Variants in RNGTT observed in about 807,000 individuals in gnomAD.
The protein encoded by RNGTT is RNA guanylyltransferase and 5'-phosphatase.
A neutral mutation model predicts 79.3 loss-of-function variants in RNGTT; 33 were observed. That is an observed-to-expected ratio of 0.42 (90% CI 0.32 to 0.56). The LOEUF is 0.56. Ranked by LOEUF, RNGTT falls within the 20% of genes least tolerant of loss-of-function variation. The pLI, the probability that RNGTT is intolerant of heterozygous loss-of-function variation, is 0.17. For synonymous variants in RNGTT, 222 were observed against 235.9 expected (o/e 0.94, Z 0.54); for missense variants, 497 against 739.1 (o/e 0.67, Z 3.80).
chr6:88,678,110 C>A, intron 14 of RNGTT: 1 of 527,970 alleles, frequency 1.9e-6, no homozygotes, highest in Non-Finnish European at 2.6e-6. Context: ...CCTCAGCCTC[C>A]AGAGTAGCTG....
intron 11 of RNGTT, among the ~76,000 whole-genome samples, chr6:88,842,637 G>A (rs1334004166): frequency 6.6e-6 from 1 of 152,132 alleles, no homozygotes; most frequent in East Asian, 1.9e-4. Context: ...AGTAAAAATA[G>A]AGCATCTAAA....
chr6:88,838,701 T>TA (rs1781164046), intron 11 of RNGTT, among the ~76,000 whole-genome samples: 1 of 152,166 alleles, frequency 6.6e-6, no homozygotes, highest in East Asian at 1.9e-4. Flanking sequence ...TTGACCTATA[T>TA]ATTCATTACA....
chr6:88,921,801 C>T (rs1029965823), intron 4 of RNGTT, among the ~76,000 whole-genome samples: 3 of 151,666 alleles, frequency 2.0e-5, no homozygotes, highest in African/African-American at 7.3e-5. Flanking sequence ...ATAAAAAATA[C>T]AGTAAAAAAT....
intron 11 of RNGTT, among the ~76,000 whole-genome samples, chr6:88,843,904 A>T (rs926899138): frequency 1.7e-4 from 25 of 150,732 alleles, no homozygotes; most frequent in African/African-American, 5.6e-4. Context: ...ACTAAAAGAA[A>T]ACCTTCAATG....
chr6:88,862,786 C>T (rs369120095), intron 8 of RNGTT, among the ~76,000 whole-genome samples: 1 of 152,328 alleles, frequency 6.6e-6, no homozygotes, highest in Admixed American at 6.5e-5. Context: ...GTAACACTGT[C>T]TAACCATTTT....
At chr6:88,816,393 T>C (rs777439428) in intron 11 of RNGTT, among the ~76,000 whole-genome samples, 4 of 152,158 alleles carry the variant, frequency 2.6e-5, no homozygotes, top group East Asian at 3.9e-4. Flanking sequence ...TGTGCACTTA[T>C]AGTCCCTAGG....
Position 88,929,270 on chromosome 6 carries a change from A to T in RNGTT, c.175-3T>A, listed in dbSNP as rs776432431. ...TCCACCAACAAGCCCATTTTAACCT[A>T]AAAAAAAAAAAAAATGAAAGGGCAA... On this transcript the variant is annotated splice_polypyrimidine_tract_variant and splice_region_variant and intron_variant, in intron 2 of 15. Transcript: ENST00000369485. 4 of 234,978 alleles carry T rather than the reference A, an allele frequency of 1.7e-5. No homozygotes were observed. Among genetic ancestry groups the T allele is most frequent in the South Asian group, 2.4e-4 (2 of 8,220 alleles). The allele number at this position is 234,978 out of a possible 1,614,324, so 14.6% of individuals were successfully genotyped here.
rs73498466 is a variant in RNGTT, at chr6:88,873,898, T to G, written c.896+16597A>C. The stretch of plus-strand genomic sequence containing the variant: ...TAAGATATAGACATACTCATTGATC[T>G]TGACCTAATTAAGAGAATTTGAAAA... On this transcript the variant is annotated intron_variant, in intron 8 of 15. Transcript: ENST00000369485. Among the ~76,000 whole-genome samples, 704 of 152,308 alleles carry G rather than the reference T, an allele frequency of 4.6e-3. 3 individuals are homozygous for G. The highest frequency in any genetic ancestry group is 0.016 in the African/African-American group (674 of 41,582).
In RNGTT at chr6:88,621,020, C is replaced by T. The variant is rs114913720; in HGVS notation, c.1507-6625G>A. On this transcript the variant is annotated intron_variant, in intron 14 of 15. Transcript: ENST00000369485. ...ATGCTAAGTTGTTTGGACATAAACACTTAGTTATTTGGATCTATCTGCTTA... is the reference window on the plus strand; with the variant it reads ...ATGCTAAGTTGTTTGGACATAAACATTTAGTTATTTGGATCTATCTGCTTA... Among the ~76,000 whole-genome samples, 155 of 152,266 alleles carry T rather than the reference C, an allele frequency of 1.0e-3. 4 individuals carry two copies. Among genetic ancestry groups the T allele is most frequent in the African/African-American group, 3.6e-3 (148 of 41,582 alleles).
chr6:88,847,794 A>C (rs1447345821), intron 10 of RNGTT, among the ~76,000 whole-genome samples: 1 of 152,060 alleles, frequency 6.6e-6, no homozygotes, highest in Non-Finnish European at 1.5e-5. Flanking sequence ...CTGTGCATTA[A>C]TAAACACTGA....
chr6:88,666,106 CT>C (rs1374960617), intron 14 of RNGTT, among the ~76,000 whole-genome samples: 1 of 152,164 alleles, frequency 6.6e-6, no homozygotes, highest in Non-Finnish European at 1.5e-5. Context: ...GGCCAAACCT[CT>C]GGTACCAAGT....
chr6:88,731,607 T>G, intron 13 of RNGTT, among the ~76,000 whole-genome samples: 1 of 152,058 alleles, frequency 6.6e-6, no homozygotes, highest in East Asian at 1.9e-4. Flanking sequence ...ATAAACAAAC[T>G]GGACTTCACA....
intron 12 of RNGTT, among the ~76,000 whole-genome samples, chr6:88,773,831 C>T (rs1324337958): frequency 6.6e-6 from 1 of 152,070 alleles, no homozygotes. Context: ...AATGAATAAA[C>T]AACCTGTAAC....
At chr6:88,791,938 T>C (rs1349373277) in intron 12 of RNGTT, among the ~76,000 whole-genome samples, 1 of 152,176 alleles carries the variant, frequency 6.6e-6, no homozygotes, top group Non-Finnish European at 1.5e-5. Context: ...AAATGGAAAC[T>C]TTATAACAAA....
At chr6:88,863,655 C>T (rs1215396935) in intron 8 of RNGTT, among the ~76,000 whole-genome samples, 1 of 152,120 alleles carries the variant, frequency 6.6e-6, no homozygotes, top group Non-Finnish European at 1.5e-5. Context: ...AACACTATGA[C>T]AGAGTTTGGC....
At chr6:88,849,635 G>C in intron 10 of RNGTT, 120 bp downstream of exon 10, 1 of 812,946 alleles carries the variant, frequency 1.2e-6, no homozygotes, top group Non-Finnish European at 1.7e-6. Context: ...GATTCCCAGT[G>C]AGTAACCTGA....
At chr6:88,771,443 C>G (rs890924543) in intron 12 of RNGTT, among the ~76,000 whole-genome samples, 6 of 150,456 alleles carry the variant, frequency 4.0e-5, no homozygotes, top group Admixed American at 3.3e-4. Flanking sequence ...GTCTCAATTA[C>G]TATAACTTTA....
At chr6:88,825,913 A>G (rs1780640916) in intron 11 of RNGTT, among the ~76,000 whole-genome samples, 1 of 152,244 alleles carries the variant, frequency 6.6e-6, no homozygotes, top group South Asian at 2.1e-4. Flanking sequence ...TGATGGCACA[A>G]TGGTAGAACA....
At chr6:88,641,129 A>G (rs1183271404) in intron 14 of RNGTT, among the ~76,000 whole-genome samples, 1 of 152,106 alleles carries the variant, frequency 6.6e-6, no homozygotes, top group East Asian at 1.9e-4. Flanking sequence ...TCACAAGGTC[A>G]GGAGTCTGAG....
Sources: allele counts gnomAD v4.1 joint callset (sites outside exome capture counted in the v4.1 genomes callset), GRCh38; gene constraint gnomAD v4.1.1; transcripts MANE v1.5; gene names NCBI Gene and HGNC (gene_info 2026-07-23, HGNC 2026-07-21).